MACROD2: variants seen among roughly 807,000 people sequenced by gnomAD.
MACROD2 encodes the protein mono-ADP ribosylhydrolase 2, also known as ADP-ribose glycohydrolase MACROD2.
Under a neutral mutation model 70.4 loss-of-function variants are expected in MACROD2, and 36 were observed. That is an observed-to-expected ratio of 0.51 (90% CI 0.39 to 0.68). The LOEUF is 0.68. Ranked by LOEUF, MACROD2 falls within the 30% of genes least tolerant of loss-of-function variation. The pLI is 0.00. For missense variants in MACROD2, 496 were observed against 538.4 expected (o/e 0.92, Z 0.78); for synonymous variants, 172 against 178.8 (o/e 0.96, Z 0.30).
chr20:14,565,856 G>T (rs1232161819), intron 4 of MACROD2, among the ~76,000 whole-genome samples: 1 of 151,744 alleles, frequency 6.6e-6, no homozygotes, highest in Non-Finnish European at 1.5e-5. Context: ...CACATATCCG[G>T]CTCAACAGAG....
intron 4 of MACROD2, among the ~76,000 whole-genome samples, chr20:14,615,298 C>G (rs1457057235): frequency 6.6e-6 from 1 of 152,092 alleles, no homozygotes; most frequent in Non-Finnish European, 1.5e-5. Flanking sequence ...GGCAGTTCTT[C>G]CCCGGATAGG....
At chr20:14,648,430 G>C (rs1985508061) in intron 4 of MACROD2, among the ~76,000 whole-genome samples, 2 of 152,082 alleles carry the variant, frequency 1.3e-5, no homozygotes, top group Non-Finnish European at 2.9e-5. Flanking sequence ...TGAAATCTCT[G>C]TATTAATTTG....
At chr20:15,481,700 A>G (rs187306887) in intron 7 of MACROD2, among the ~76,000 whole-genome samples, 1 of 152,232 alleles carries the variant, frequency 6.6e-6, no homozygotes, top group South Asian at 2.1e-4. Flanking sequence ...AAAAAAAACT[A>G]ATATTTACAA....
At chr20:14,543,172 A>G (rs2085453514) in intron 4 of MACROD2, among the ~76,000 whole-genome samples, 1 of 152,128 alleles carries the variant, frequency 6.6e-6, no homozygotes, top group Non-Finnish European at 1.5e-5. Flanking sequence ...AGATAGCACC[A>G]AACCCTATAT....
At chr20:14,069,060 C>T (rs766927321) in intron 2 of MACROD2, among the ~76,000 whole-genome samples, 4 of 151,994 alleles carry the variant, frequency 2.6e-5, no homozygotes, top group African/African-American at 4.8e-5. Flanking sequence ...GCGATTCTCC[C>T]GCCTCAGCCT....
intron 2 of MACROD2, among the ~76,000 whole-genome samples, chr20:14,009,923 A>G (rs1464546506): frequency 1.3e-5 from 2 of 152,208 alleles, no homozygotes; most frequent in African/African-American, 4.8e-5. Context: ...CAGAATGATG[A>G]GAACACATGG....
At chr20:14,427,723 A>G (rs1170846869) in intron 3 of MACROD2, among the ~76,000 whole-genome samples, 2 of 152,124 alleles carry the variant, frequency 1.3e-5, no homozygotes, top group African/African-American at 4.8e-5. Flanking sequence ...TCTGGAAAAC[A>G]TCCTTAGAAA....
At chr20:15,823,637 G>A (rs1277042006) in intron 8 of MACROD2, among the ~76,000 whole-genome samples, 1 of 152,134 alleles carries the variant, frequency 6.6e-6, no homozygotes, top group Non-Finnish European at 1.5e-5. Flanking sequence ...AACATGCTTG[G>A]TTCGCAACTG....
intron 8 of MACROD2, among the ~76,000 whole-genome samples, chr20:15,704,115 G>C (rs1231204856): frequency 1.3e-5 from 2 of 151,630 alleles, no homozygotes; most frequent in Non-Finnish European, 2.9e-5. Context: ...CTTTGCTATT[G>C]TTTTCCTATT....
intron 5 of MACROD2, among the ~76,000 whole-genome samples, chr20:14,880,874 G>A (rs2073603419): frequency 6.6e-6 from 1 of 152,144 alleles, no homozygotes. Flanking sequence ...CTGGGCCAGA[G>A]TGGCCTCTTG....
At chr20:16,007,597 C>T (rs1194329999) in intron 15 of MACROD2, among the ~76,000 whole-genome samples, 2 of 152,140 alleles carry the variant, frequency 1.3e-5, no homozygotes, top group African/African-American at 2.4e-5. Flanking sequence ...TTTTTAGGCA[C>T]AGTCAAAATA....
intron 8 of MACROD2, among the ~76,000 whole-genome samples, chr20:15,521,075 A>G (rs2047646465): frequency 1.3e-5 from 2 of 152,190 alleles, no homozygotes; most frequent in South Asian, 4.1e-4. Flanking sequence ...TGCTTTGTGG[A>G]TAGGCCTGTA....
chr20:15,797,625 A>G (rs16996564), intron 8 of MACROD2, among the ~76,000 whole-genome samples: 10,779 of 152,292 alleles, frequency 0.071, 951 homozygotes, highest in African/African-American at 0.21. Flanking sequence ...ACGCATAGCT[A>G]CAAGGGAAGC....
intron 15 of MACROD2, among the ~76,000 whole-genome samples, chr20:16,007,179 A>G (rs1444896334): frequency 2.0e-5 from 3 of 152,352 alleles, no homozygotes; most frequent in African/African-American, 7.2e-5. Flanking sequence ...AGCAGGGTGA[A>G]CATTTTTGGT....
At chr20:14,148,775 A>G (rs2054974096) in intron 3 of MACROD2, among the ~76,000 whole-genome samples, 1 of 152,188 alleles carries the variant, frequency 6.6e-6, no homozygotes, top group African/African-American at 2.4e-5. Context: ...CAGCTCCTGA[A>G]CTGTGGATAG....
chr20:14,696,541 G>A lies in MACROD2; in HGVS notation c.418+11582G>A, dbSNP rs186337650. Among the ~76,000 whole-genome samples the A allele has an allele frequency of 2.0e-4, 30 of 152,160 alleles. No individual in the cohort carries two copies. In the East Asian group the frequency reaches 2.9e-3, roughly 15 times the overall value. On this transcript the variant is annotated intron_variant, in intron 5 of 17. Coordinates refer to ENST00000684519, the MANE Select transcript of MACROD2 (RefSeq NM_001351661.2). The stretch of plus-strand genomic sequence containing the variant: ...AGCTGTTTTATTTTTCAGAACTACC[G>A]AGAGTTTGCTTCATTTTTAATCACG...
chr20:15,606,330 C>T (rs75820295), intron 8 of MACROD2, among the ~76,000 whole-genome samples: 2 of 152,288 alleles, frequency 1.3e-5, no homozygotes, highest in East Asian at 3.9e-4. Flanking sequence ...ACTTCTCACA[C>T]ATCTCAGGCT....
At chr20:15,650,408 A>G (rs1025372561) in intron 8 of MACROD2, among the ~76,000 whole-genome samples, 1 of 152,098 alleles carries the variant, frequency 6.6e-6, no homozygotes, top group Non-Finnish European at 1.5e-5. Context: ...TCTCCATACT[A>G]CCGCCTTTCT....
At chr20:14,849,441 G>C (rs1428423289) in intron 5 of MACROD2, among the ~76,000 whole-genome samples, 1 of 152,102 alleles carries the variant, frequency 6.6e-6, no homozygotes, top group East Asian at 1.9e-4. Flanking sequence ...TGCAGCAGTA[G>C]GGAGTGAAGT....
Sources: allele counts gnomAD v4.1 joint callset (sites outside exome capture counted in the v4.1 genomes callset), GRCh38; gene constraint gnomAD v4.1.1; transcripts MANE v1.5; gene names NCBI Gene and HGNC (gene_info 2026-07-23, HGNC 2026-07-21).